Variants in JAKMIP2 observed in about 807,000 individuals in gnomAD.
The protein encoded by JAKMIP2 is janus kinase and microtubule interacting protein 2.
JAKMIP2 carries 25 observed loss-of-function variants against 115.0 expected under a neutral mutation model. That is an observed-to-expected ratio of 0.22 (90% CI 0.16 to 0.30). The LOEUF (loss-of-function observed/expected upper bound fraction) is 0.30, where lower values mean the gene tolerates loss of function less well. JAKMIP2 is among the 10% of genes least tolerant of loss of function. JAKMIP2 has a pLI of 1.00. For missense variants in JAKMIP2, 642 were observed against 957.6 expected, an observed-to-expected ratio of 0.67 and a Z score of 4.35; for synonymous variants, 334 against 343.6, an observed-to-expected ratio of 0.97 and a Z score of 0.31.
At chr5:147,720,209 G>A (rs1161039076) in intron 1 of JAKMIP2, among the ~76,000 whole-genome samples, 9 of 152,288 alleles carry the variant, frequency 5.9e-5, no homozygotes, top group Middle Eastern at 6.8e-3. Flanking sequence ...GGTTTCTGCC[G>A]ATAAATCTGC....
intron 1 of JAKMIP2, among the ~76,000 whole-genome samples, chr5:147,686,652 C>T (rs1760587680): frequency 1.3e-5 from 2 of 152,062 alleles, no homozygotes; most frequent in Non-Finnish European, 2.9e-5. Context: ...TTCCTTAAAC[C>T]CGCAAAATTT....
At chr5:147,647,853 G>C (rs1222739627) in intron 5 of JAKMIP2, among the ~76,000 whole-genome samples, 1 of 152,054 alleles carries the variant, frequency 6.6e-6, no homozygotes, top group Non-Finnish European at 1.5e-5. Flanking sequence ...ACATGTAGAA[G>C]CACTGTTCTT....
intron 1 of JAKMIP2, among the ~76,000 whole-genome samples, chr5:147,775,640 C>G (rs1454427389): frequency 3.3e-5 from 5 of 152,078 alleles, no homozygotes; most frequent in Non-Finnish European, 5.9e-5. Context: ...TTTGCCTTAT[C>G]AAAATCATAA....
At chr5:147,751,185 C>CCTCA (rs560484824) in intron 1 of JAKMIP2, among the ~76,000 whole-genome samples, 137 of 152,028 alleles carry the variant, frequency 9.0e-4, no homozygotes, top group African/African-American at 3.2e-3. Context: ...GATTCTCCTA[C>CCTCA]CTCAGCCTCC....
rs2126726303 is a variant in JAKMIP2, at chr5:147,644,049, G to T, written c.1224+9C>A. ...ACAACTTAGGGTTTACAGATTGATT[G>T]ACACGTACCCTTGTGAGCTCATCAA... On this transcript the variant is annotated intron_variant, in intron 7 of 21. Coordinates refer to ENST00000616793, the MANE Select transcript of JAKMIP2 (RefSeq NM_001270941.2). 6.5e-7 allele frequency: 1 copy of T among 1,537,812 alleles called. No individual in the cohort carries two copies. The highest frequency in any genetic ancestry group is 1.3e-5 in the South Asian group (1 of 76,516).
rs149634308 is a variant in JAKMIP2 at position 147,588,429 on chromosome 5, T to C, written c.*3278A>G. On this transcript the variant is annotated 3_prime_UTR_variant, in exon 22 of 22. Coordinates refer to ENST00000616793, the MANE Select transcript of JAKMIP2 (RefSeq NM_001270941.2). ...ATAACTTTTTTTTTTTTTTTTTTGC[T>C]ATTGCTGAACATCCCATCCAAGGGA... is the stretch of plus-strand genomic sequence containing the variant. 1.3e-5 allele frequency: 2 copies of C among 150,588 alleles called. No individual in the cohort carries two copies. The highest frequency in any genetic ancestry group is 2.4e-5 in the African/African-American group (1 of 40,948). The allele number at this position is 150,588 out of a possible 1,614,324, so 9.3% of individuals were successfully genotyped here.
intron 1 of JAKMIP2, among the ~76,000 whole-genome samples, chr5:147,725,884 T>C (rs1351886985): frequency 6.6e-6 from 1 of 152,172 alleles, no homozygotes; most frequent in Non-Finnish European, 1.5e-5. Flanking sequence ...ACTAGGCATG[T>C]ACACGATAAC....
chr5:147,667,132 G>A (rs6883792), intron 2 of JAKMIP2, among the ~76,000 whole-genome samples: 55,775 of 151,884 alleles, frequency 0.37, 11,061 homozygotes, highest in East Asian at 0.63. Context: ...TAATCTTGAC[G>A]TGGAAGACAC....
At position 147,586,281 on chromosome 5, in the gene JAKMIP2, AATATATCTGTGC is replaced by A. The variant is rs1241295105; in HGVS notation, c.*5414_*5425del. 2.6e-5 allele frequency: 4 copies of A among 152,158 alleles called. No individual in the cohort carries two copies. Among genetic ancestry groups the A allele is most frequent in the African/African-American group, 9.7e-5 (4 of 41,428 alleles). The allele number at this position is 152,158 out of a possible 1,614,324, so 9.4% of individuals were successfully genotyped here. A position where few individuals can be genotyped will look rare whatever the true frequency, so the allele number is the denominator to read the frequency against. On this transcript the variant is annotated 3_prime_UTR_variant, in exon 22 of 22. Coordinates refer to ENST00000616793, the MANE Select transcript of JAKMIP2 (RefSeq NM_001270941.2). The stretch of plus-strand genomic sequence containing the variant: ...GCTCACACCATCATACTATGTACAG[AATATATCTGTGC>A]ATATATTTACATCACATATTTATAA...
intron 1 of JAKMIP2, among the ~76,000 whole-genome samples, chr5:147,677,669 T>G (rs1760041587): frequency 6.6e-6 from 1 of 152,218 alleles, no homozygotes; most frequent in Admixed American, 6.5e-5. Context: ...AAACAAATTT[T>G]CAGGTCTAAA....
chr5:147,625,291 C>A (rs1214666320), intron 16 of JAKMIP2, among the ~76,000 whole-genome samples: 1 of 152,092 alleles, frequency 6.6e-6, no homozygotes, highest in Non-Finnish European at 1.5e-5. Flanking sequence ...CCAGATAGTT[C>A]TTTCTAGGTT....
At position 147,595,995 on chromosome 5, in the gene JAKMIP2, G is replaced by A. The variant is rs962742344; in HGVS notation, c.*21-4309C>T. Among the ~76,000 whole-genome samples, 5 of 152,134 alleles carry A rather than the reference G, an allele frequency of 3.3e-5. No individual in the cohort carries two copies. In the East Asian group the frequency reaches 5.8e-4, roughly 18 times the overall value. ...GGGAATCACAACTGAACTGAGATCC[G>A]AAGGATAGGTGAGTAGTAGGTGTTT... On this transcript the variant is annotated intron_variant, in intron 21 of 21. Coordinates refer to ENST00000616793, the MANE Select transcript of JAKMIP2 (RefSeq NM_001270941.2).
At chr5:147,653,581 G>GT (rs1260467827) in intron 3 of JAKMIP2, among the ~76,000 whole-genome samples, 6 of 150,736 alleles carry the variant, frequency 4.0e-5, no homozygotes, top group African/African-American at 1.5e-4. Flanking sequence ...TTGTAAATTT[G>GT]TTTAAGTTCC....
At chr5:147,728,411 T>C (rs1753600926) in intron 1 of JAKMIP2, among the ~76,000 whole-genome samples, 1 of 152,200 alleles carries the variant, frequency 6.6e-6, no homozygotes, top group Non-Finnish European at 1.5e-5. Flanking sequence ...AGATGTAATA[T>C]AAAAATGGGA....
chr5:147,591,715 T>C, intron 21 of JAKMIP2, 29 bp from the exon 22 acceptor site: 1 of 1,422,868 alleles, frequency 7.0e-7, no homozygotes, highest in Non-Finnish European at 9.8e-7. Context: ...AAATTATTTA[T>C]ATATCAATTT....
intron 1 of JAKMIP2, among the ~76,000 whole-genome samples, chr5:147,716,193 C>A (rs1340905314): frequency 7.5e-6 from 1 of 132,820 alleles, no homozygotes; most frequent in Non-Finnish European, 1.6e-5. Flanking sequence ...TTTATGGCTG[C>A]ATAGTATTCC....
chr5:147,696,243 C>G (rs1275037031), intron 1 of JAKMIP2, among the ~76,000 whole-genome samples: 1 of 152,046 alleles, frequency 6.6e-6, no homozygotes, highest in Non-Finnish European at 1.5e-5. Context: ...AGCCAAAACT[C>G]GAATTGTAGT....
intron 5 of JAKMIP2, among the ~76,000 whole-genome samples, chr5:147,646,716 A>G (rs1758150273): frequency 6.6e-6 from 1 of 151,720 alleles, no homozygotes; most frequent in Non-Finnish European, 1.5e-5. Flanking sequence ...CACTAACACT[A>G]AAACAAAAAT....
chr5:147,655,439 G>A (rs933983855), intron 3 of JAKMIP2, among the ~76,000 whole-genome samples: 8 of 152,172 alleles, frequency 5.3e-5, no homozygotes, highest in Non-Finnish European at 1.2e-4. Context: ...GAGGGTGTAA[G>A]TGTCCAGGAA....
Sources: allele counts gnomAD v4.1 joint callset (sites outside exome capture counted in the v4.1 genomes callset), GRCh38; gene constraint gnomAD v4.1.1; transcripts MANE v1.5; gene names NCBI Gene and HGNC (gene_info 2026-07-23, HGNC 2026-07-21).